Variants in DLGAP2 observed in about 807,000 individuals in gnomAD.
DLGAP2 encodes disks large-associated protein 2.
Under a neutral mutation model 100.3 loss-of-function variants are expected in DLGAP2, and 26 were observed. The observed-to-expected ratio is 0.26, with a 90% CI of 0.19 to 0.36. DLGAP2 has a LOEUF of 0.36. DLGAP2 is among the 10% of genes least tolerant of loss of function. The pLI, the probability that DLGAP2 is intolerant of heterozygous loss-of-function variation, is 1.00. For synonymous variants in DLGAP2, 886 were observed against 630.1 expected, an observed-to-expected ratio of 1.41 and a Z score of -6.08; for missense variants, 1,858 against 1,453.2, an observed-to-expected ratio of 1.28 and a Z score of -4.53.
At chr8:1,455,701 G>A (rs578008723) in intron 3 of DLGAP2, among the ~76,000 whole-genome samples, 63 of 152,158 alleles carry the variant, frequency 4.1e-4, no homozygotes, top group African/African-American at 1.3e-3. Context: ...TCACATCCAC[G>A]CCCCCCATTT....
rs1012436728 is a variant in DLGAP2 at position 1,668,670 on chromosome 8, G to A, written c.2152G>A (p.Gly718Arg). Reference sequence around the variant, plus strand: ...CCTCAAGAGCCGCTGCTCCTCCATCGGGATTCAGGTAGCTGCTCTTGGCCG... The same window carrying A: ...CCTCAAGAGCCGCTGCTCCTCCATCAGGATTCAGGTAGCTGCTCTTGGCCG... ...ELLKSRCSSI[G>R]IQDSEFPEHQ... Residue 718 changes from glycine (G) to arginine (R), a missense_variant, in exon 9 of 15, where the codon GGG (glycine) becomes AGG (arginine). Physicochemically the swap from Gly to Arg is moderately radical, Grantham distance 125 (BLOSUM62 -2). Coordinates refer to ENST00000637795, the MANE Select transcript of DLGAP2 (RefSeq NM_001346810.2). 27 of 1,550,424 alleles carry A rather than the reference G, an allele frequency of 1.7e-5. No homozygotes were observed. The highest frequency in any genetic ancestry group is 1.3e-4 in the Admixed American group (7 of 52,046).
chr8:1,298,137 T>A (rs1300235544), intron 3 of DLGAP2, among the ~76,000 whole-genome samples: 1 of 150,270 alleles, frequency 6.7e-6, no homozygotes, highest in Non-Finnish European at 1.5e-5. Flanking sequence ...AGACACCACG[T>A]GAGACAGGGA....
intron 2 of DLGAP2, among the ~76,000 whole-genome samples, chr8:1,194,802 C>G (rs1797714314): frequency 6.6e-6 from 1 of 152,188 alleles, no homozygotes; most frequent in Admixed American, 6.5e-5. Flanking sequence ...TCTTATCGTC[C>G]TCTCTGGCTT....
chr8:1,306,959 A>G (rs886139651), intron 3 of DLGAP2, among the ~76,000 whole-genome samples: 2 of 152,196 alleles, frequency 1.3e-5, no homozygotes, highest in African/African-American at 2.4e-5. Flanking sequence ...AACAGAGAGG[A>G]TAAGCTTTAT....
chr8:1,544,141 G>T (rs1405897404), intron 4 of DLGAP2, among the ~76,000 whole-genome samples: 1 of 152,122 alleles, frequency 6.6e-6, no homozygotes, highest in African/African-American at 2.4e-5. Context: ...GGGCTGAAGT[G>T]ATTCCCCCAT....
chr8:1,543,396 G>T (rs1801427599), intron 4 of DLGAP2, among the ~76,000 whole-genome samples: 2 of 152,316 alleles, frequency 1.3e-5, no homozygotes, highest in South Asian at 4.1e-4. Flanking sequence ...TAAATTCATT[G>T]TTTGGTGTGT....
At chr8:1,472,551 G>T (rs1026999867) in intron 3 of DLGAP2, among the ~76,000 whole-genome samples, 1 of 152,176 alleles carries the variant, frequency 6.6e-6, no homozygotes, top group African/African-American at 2.4e-5. Context: ...TCTCGGGCCC[G>T]AGTGCCAGCA....
chr8:1,382,390 A>G (rs1796117322), intron 3 of DLGAP2, among the ~76,000 whole-genome samples: 1 of 152,224 alleles, frequency 6.6e-6, no homozygotes, highest in African/African-American at 2.4e-5. Context: ...GGACTCCAGC[A>G]GTTCCAACCA....
intron 2 of DLGAP2, among the ~76,000 whole-genome samples, chr8:1,005,473 G>A (rs1801081521): frequency 1.3e-5 from 2 of 148,170 alleles, no homozygotes; most frequent in South Asian, 4.3e-4. Flanking sequence ...CAGTGGTGCA[G>A]TGACAGCTCA....
chr8:778,758 G>C (rs1402655844), intron 1 of DLGAP2, among the ~76,000 whole-genome samples: 1 of 152,230 alleles, frequency 6.6e-6, no homozygotes, highest in Non-Finnish European at 1.5e-5. Flanking sequence ...GTCAGACAGG[G>C]ACATTTAAGT....
At chr8:818,974 A>C (rs953916288) in intron 1 of DLGAP2, among the ~76,000 whole-genome samples, 7 of 152,256 alleles carry the variant, frequency 4.6e-5, no homozygotes, top group African/African-American at 1.7e-4. Flanking sequence ...TACAAGAGGA[A>C]CTGGCTCAGA....
intron 1 of DLGAP2, among the ~76,000 whole-genome samples, chr8:843,507 C>A (rs1277520905): frequency 6.6e-6 from 1 of 152,208 alleles, no homozygotes; most frequent in African/African-American, 2.4e-5. Flanking sequence ...GGCACCACGG[C>A]CTCTCCTGGG....
At chr8:767,721 C>T (rs1821252270) in intron 1 of DLGAP2, among the ~76,000 whole-genome samples, 1 of 152,144 alleles carries the variant, frequency 6.6e-6, no homozygotes, top group Admixed American at 6.5e-5. Context: ...CATTATATTT[C>T]TACGGAGGTA....
intron 2 of DLGAP2, among the ~76,000 whole-genome samples, chr8:961,575 G>A (rs1247765252): frequency 6.6e-6 from 1 of 152,206 alleles, no homozygotes; most frequent in Non-Finnish European, 1.5e-5. Context: ...CTGTGCAACA[G>A]TGGGACCTGT....
chr8:1,329,913 A>C (rs760013661), intron 3 of DLGAP2, among the ~76,000 whole-genome samples: 24 of 152,216 alleles, frequency 1.6e-4, no homozygotes, highest in Non-Finnish European at 3.2e-4. Context: ...TGCAAGCTGC[A>C]GCCGCCCTGC....
intron 1 of DLGAP2, among the ~76,000 whole-genome samples, chr8:795,206 A>T (rs979866385): frequency 6.6e-6 from 1 of 152,220 alleles, no homozygotes; most frequent in Non-Finnish European, 1.5e-5. Flanking sequence ...GGTTCCTGCA[A>T]GCCTCTAGCC....
At chr8:1,497,412 C>T (rs73538550) in intron 3 of DLGAP2, among the ~76,000 whole-genome samples, 1,877 of 152,244 alleles carry the variant, frequency 0.012, 40 homozygotes, top group African/African-American at 0.043. Flanking sequence ...CGTCTCAGAG[C>T]GCAGAGAGAG....
intron 2 of DLGAP2, among the ~76,000 whole-genome samples, chr8:1,222,926 C>G (rs950503086): frequency 6.6e-6 from 1 of 152,180 alleles, no homozygotes; most frequent in Admixed American, 6.5e-5. Context: ...CCACAGCTAA[C>G]AAAGCCTAAA....
chr8:1,682,962 G>A (rs1798996574), intron 12 of DLGAP2, among the ~76,000 whole-genome samples: 1 of 151,412 alleles, frequency 6.6e-6, no homozygotes, highest in East Asian at 1.9e-4. Flanking sequence ...TGAGCCATCA[G>A]GATCCTCCTC....
Sources: allele counts gnomAD v4.1 joint callset (sites outside exome capture counted in the v4.1 genomes callset), GRCh38; gene constraint gnomAD v4.1.1; transcripts MANE v1.5; gene names NCBI Gene and HGNC (gene_info 2026-07-23, HGNC 2026-07-21).